The following MLF1 variants were observed in gnomAD, a reference collection of about 807,000 sequenced individuals.
The protein encoded by MLF1 is myelodysplasia-myeloid leukemia factor 1.
MLF1 carries 37 observed loss-of-function variants against 38.3 expected under a neutral mutation model. The ratio of observed to expected loss-of-function variants is 0.96; its 90% confidence interval spans 0.74 to 1.27. The LOEUF (loss-of-function observed/expected upper bound fraction) is 1.27. Among genes scored for constraint, MLF1 ranks in the 50% most tolerant of loss-of-function variants. The pLI, the probability that MLF1 is intolerant of heterozygous loss-of-function variation, is 0.00. For synonymous variants in MLF1, 95 were observed against 106.5 expected, an observed-to-expected ratio of 0.89 and a Z score of 0.66; for missense variants, 331 against 349.2, an observed-to-expected ratio of 0.95 and a Z score of 0.42.
chr3:158,599,785 A>G (rs1719468546), intron 5 of MLF1, among the ~76,000 whole-genome samples: 1 of 152,102 alleles, frequency 6.6e-6, no homozygotes, highest in Admixed American at 6.5e-5. Context: ...TACAATTTGG[A>G]AAAAGGTTAA....
chr3:158,601,500 G>C (rs1719742844), intron 6 of MLF1, among the ~76,000 whole-genome samples: 1 of 152,166 alleles, frequency 6.6e-6, no homozygotes. Flanking sequence ...AACCCAGGAG[G>C]CGGAGGTTGC....
In MLF1 at chr3:158,578,380, AGT is replaced by A. The variant is rs113149645; in HGVS notation, c.47+7054_47+7055del. ...AAAGAAGTGTAACTTAGGCAAAATA[AGT>A]GTGTGTGTGTGTGTGTGTGTACATA... On this transcript the variant is annotated intron_variant, in intron 1 of 7. Coordinates refer to ENST00000466246, the MANE Select transcript of MLF1 (RefSeq NM_001369783.1). Among the ~76,000 whole-genome samples, 202 of 149,166 alleles carry A rather than the reference AGT, an allele frequency of 1.4e-3. No individual in the cohort carries two copies. In the South Asian group the frequency reaches 0.014, roughly 10 times the overall value.
chr3:158,585,054 A>G (rs1263807006), intron 1 of MLF1, among the ~76,000 whole-genome samples: 1 of 139,006 alleles, frequency 7.2e-6, no homozygotes, highest in Non-Finnish European at 1.5e-5. Flanking sequence ...AAAAAAAAAA[A>G]AGAAAAAGAA....
chr3:158,598,359 T>C, intron 5 of MLF1, 151 bp downstream of exon 5: 2 of 785,556 alleles, frequency 2.5e-6, no homozygotes, highest in Non-Finnish European at 3.9e-6. Flanking sequence ...TAGTCCTCAC[T>C]GTGGAAACCA....
intron 3 of MLF1, among the ~76,000 whole-genome samples, chr3:158,595,188 G>A (rs1368930269): frequency 6.6e-6 from 1 of 152,102 alleles, no homozygotes; most frequent in Non-Finnish European, 1.5e-5. Context: ...GGGGGGAAGT[G>A]AAGGAGGGAT....
intron 1 of MLF1, among the ~76,000 whole-genome samples, chr3:158,583,513 T>C (rs906472930): frequency 6.6e-6 from 1 of 152,160 alleles, no homozygotes; most frequent in African/African-American, 2.4e-5. Flanking sequence ...GTCTATTCGC[T>C]CTTATAATTA....
At chr3:158,600,979 T>C (rs1719663758) in intron 6 of MLF1, among the ~76,000 whole-genome samples, 1 of 151,444 alleles carries the variant, frequency 6.6e-6, no homozygotes, top group Admixed American at 6.6e-5. Context: ...TTAAATTATT[T>C]TTATTAATTT....
At chr3:158,600,204 C>A in intron 6 of MLF1, 31 bp downstream of exon 6, 1 of 1,324,420 alleles carries the variant, frequency 7.6e-7, no homozygotes, top group Non-Finnish European at 9.9e-7. Context: ...AATATTCTTT[C>A]TTATAAATTT....
At chr3:158,584,939 G>A (rs1716997035) in intron 1 of MLF1, among the ~76,000 whole-genome samples, 1 of 150,336 alleles carries the variant, frequency 6.7e-6, no homozygotes, top group African/African-American at 2.4e-5. Flanking sequence ...TAGGGAGGCT[G>A]AGGTGGGAGG....
At chr3:158,578,608 A>G (rs1489458040) in intron 1 of MLF1, among the ~76,000 whole-genome samples, 1 of 152,098 alleles carries the variant, frequency 6.6e-6, no homozygotes, top group Non-Finnish European at 1.5e-5. Context: ...TTGAAGGGGA[A>G]GTAGGCAACA....
chr3:158,591,107 G>T (rs1180126768), intron 1 of MLF1: 3 of 513,166 alleles, frequency 5.8e-6, no homozygotes, highest in Admixed American at 3.9e-5. Flanking sequence ...CAGAATTTTT[G>T]AGCTTCCTCC....
In MLF1 at chr3:158,586,795, T is replaced by G. The variant is rs958538234; in HGVS notation, c.48-5639T>G. Among the ~76,000 whole-genome samples, 3 of 126,938 alleles carry G rather than the reference T, an allele frequency of 2.4e-5. 1 individual carries two copies. The allele number at this position is 126,938 out of a possible 152,430, so 83.3% of individuals were successfully genotyped here. A position where few individuals can be genotyped will look rare whatever the true frequency, so the allele number is the denominator to read the frequency against. ...AGAGACATAAAGAGGAAAAGCTGAT[T>G]AAGGAAAAAATGTGGAAATAAGGTT... is the stretch of plus-strand genomic sequence containing the variant. On this transcript the variant is annotated intron_variant, in intron 1 of 7. Coordinates refer to ENST00000466246, the MANE Select transcript of MLF1 (RefSeq NM_001369783.1).
intron 1 of MLF1, among the ~76,000 whole-genome samples, chr3:158,589,175 CATT>C (rs1560103906): frequency 6.6e-6 from 1 of 151,964 alleles, no homozygotes; most frequent in Non-Finnish European, 1.5e-5. Context: ...ATTCCATAAA[CATT>C]ATTTATTTAT....
chr3:158,596,388 G>C (rs376320960), intron 3 of MLF1, among the ~76,000 whole-genome samples: 28 of 152,192 alleles, frequency 1.8e-4, no homozygotes, highest in African/African-American at 5.5e-4. Flanking sequence ...ACTTACTCGA[G>C]GGACAACTTC....
chr3:158,599,228 A>C (rs1417861537), intron 5 of MLF1, among the ~76,000 whole-genome samples: 1 of 152,164 alleles, frequency 6.6e-6, no homozygotes, highest in African/African-American at 2.4e-5. Context: ...TACAGAGTCT[A>C]GGAGTGGTAT....
intron 7 of MLF1, 72 bp from the exon 8 acceptor site, chr3:158,605,025 C>A: frequency 2.8e-6 from 3 of 1,086,392 alleles, no homozygotes; most frequent in Non-Finnish European, 4.0e-6. Flanking sequence ...TGGTTTTTAA[C>A]ATGTTTGTAT....
Position 158,605,933 on chromosome 3 carries a change from C to A in MLF1, c.*731C>A, listed in dbSNP as rs1350519198. On this transcript the variant is annotated 3_prime_UTR_variant, in exon 8 of 8. Coordinates refer to ENST00000466246, the MANE Select transcript of MLF1 (RefSeq NM_001369783.1). ...TCTTAATGTGGCATATTTCTACTCT[C>A]CTTTCCCACAAACAGCTTCATCTGT... The A allele has an allele frequency of 5.5e-6, 1 of 182,560 alleles. No individual in the cohort carries two copies. Among genetic ancestry groups the A allele is most frequent in the Admixed American group, 6.3e-5 (1 of 15,972 alleles). 11.3% of individuals were successfully genotyped at this position (182,560 alleles called of 1,614,324 possible). A position where few individuals can be genotyped will look rare whatever the true frequency, so the allele number is the denominator to read the frequency against.
chr3:158,585,468 T>C (rs1560101438), intron 1 of MLF1, among the ~76,000 whole-genome samples: 2 of 152,188 alleles, frequency 1.3e-5, no homozygotes, highest in South Asian at 2.1e-4. Flanking sequence ...CTCTTTTCTT[T>C]GTAAATTACC....
intron 2 of MLF1, 120 bp downstream of exon 2, chr3:158,592,701 C>A: frequency 1.2e-6 from 1 of 807,040 alleles, no homozygotes; most frequent in South Asian, 2.8e-5. Flanking sequence ...CTAGAAATCA[C>A]TATTATATAA....
Sources: gnomAD v4.1 joint callset for allele counts (sites outside exome capture counted in the v4.1 genomes callset) on GRCh38, gnomAD v4.1.1 for gene constraint, MANE v1.5 for transcripts, NCBI Gene and HGNC (gene_info 2026-07-23, HGNC 2026-07-21) for gene names.